The following PTPRQ variants were observed in gnomAD, a reference collection of about 807,000 sequenced individuals.
The protein encoded by PTPRQ is protein tyrosine phosphatase receptor type Q, also known as phosphatidylinositol phosphatase PTPRQ.
PTPRQ carries 199 observed loss-of-function variants against 246.0 expected under a neutral mutation model. The observed-to-expected ratio is 0.81, with a 90% CI of 0.72 to 0.91. PTPRQ has a LOEUF of 0.91. PTPRQ is among the 40% of genes least tolerant of loss of function. PTPRQ has a pLI of 0.00. For synonymous variants in PTPRQ, 869 were observed against 853.2 expected (o/e 1.02, Z -0.32); for missense variants, 2,624 against 2,528.4 (o/e 1.04, Z -0.81).
intron 33 of PTPRQ, 59 bp from the exon 34 acceptor site, chr12:80,632,132 TG>T (rs1899460600): frequency 1.3e-6 from 2 of 1,511,526 alleles, no homozygotes; most frequent in East Asian, 5.0e-5. Flanking sequence ...TTTGGTAGTT[TG>T]GGATTCAAAA....
rs17006952 is a variant in PTPRQ, at chr12:80,604,415, T to G, written c.4610-644T>G. On this transcript the variant is annotated intron_variant, in intron 26 of 44. Coordinates refer to ENST00000644991, the MANE Select transcript of PTPRQ (RefSeq NM_001145026.2). The stretch of plus-strand genomic sequence containing the variant: ...ATTTTTAAGATATTGTCTCTTGTTT[T>G]GCGTTACTGAAAAAATAACAAAGTA... Among the ~76,000 whole-genome samples the G allele has an allele frequency of 4.6e-3, 698 of 151,686 alleles. 12 individuals carry two copies. The highest frequency in any genetic ancestry group is 0.034 in the Admixed American group (521 of 15,172).
intron 35 of PTPRQ, among the ~76,000 whole-genome samples, chr12:80,647,954 C>T (rs1015068884): frequency 6.6e-6 from 1 of 152,076 alleles, no homozygotes; most frequent in African/African-American, 2.4e-5. Flanking sequence ...CCAGCATCCC[C>T]ATATTTTTCA....
chr12:80,454,840 T>G (rs1437749206), intron 3 of PTPRQ, among the ~76,000 whole-genome samples: 1 of 152,234 alleles, frequency 6.6e-6, no homozygotes, highest in East Asian at 1.9e-4. Context: ...AATTCAAACT[T>G]AATTTATTTT....
intron 33 of PTPRQ, among the ~76,000 whole-genome samples, chr12:80,629,216 CTG>C (rs757081454): frequency 9.9e-5 from 15 of 151,966 alleles, no homozygotes; most frequent in Non-Finnish European, 2.1e-4. Context: ...AACAAGCTCT[CTG>C]TGTCTCTTCT....
intron 31 of PTPRQ, among the ~76,000 whole-genome samples, chr12:80,619,750 T>A (rs1488045538): frequency 6.6e-6 from 1 of 151,606 alleles, no homozygotes; most frequent in Non-Finnish European, 1.5e-5. Flanking sequence ...CTTTTATAAA[T>A]GTCATTTATT....
chr12:80,545,128 C>A (rs527871960), intron 23 of PTPRQ, among the ~76,000 whole-genome samples: 1 of 152,136 alleles, frequency 6.6e-6, no homozygotes, highest in South Asian at 2.1e-4. Context: ...TAACCAAAAT[C>A]ATAATTTGCT....
At chr12:80,664,101 G>T (rs2121267087) in intron 39 of PTPRQ, among the ~76,000 whole-genome samples, 1 of 151,934 alleles carries the variant, frequency 6.6e-6, no homozygotes, top group Admixed American at 6.6e-5. Context: ...TCTTCTCTGT[G>T]TTACTAGAAG....
At chr12:80,587,155 A>C (rs1228465135) in intron 25 of PTPRQ, among the ~76,000 whole-genome samples, 1 of 152,180 alleles carries the variant, frequency 6.6e-6, no homozygotes, top group Non-Finnish European at 1.5e-5. Context: ...CTACCTGTAC[A>C]TATTAGATGC....
intron 35 of PTPRQ, among the ~76,000 whole-genome samples, chr12:80,648,096 T>A (rs1900136927): frequency 6.6e-6 from 1 of 152,106 alleles, no homozygotes; most frequent in South Asian, 2.1e-4. Context: ...TTATTCATTC[T>A]TTGCTTCAAA....
intron 26 of PTPRQ, among the ~76,000 whole-genome samples, chr12:80,596,933 T>A (rs532472403): frequency 6.6e-6 from 1 of 152,156 alleles, no homozygotes; most frequent in East Asian, 1.9e-4. Flanking sequence ...GTGCTGGTAC[T>A]ATTCTAAGTA....
intron 6 of PTPRQ, chr12:80,465,191 G>A (rs1893350542): frequency 6.6e-6 from 1 of 151,416 alleles, no homozygotes; most frequent in Admixed American, 6.6e-5. Flanking sequence ...TGATCCCACA[G>A]AAATACAAAC....
At chr12:80,535,829 C>T (rs1305164631) in intron 19 of PTPRQ, among the ~76,000 whole-genome samples, 2 of 152,172 alleles carry the variant, frequency 1.3e-5, no homozygotes, top group East Asian at 1.9e-4. Context: ...AAAACACGGC[C>T]GGGCGTGGTG....
intron 39 of PTPRQ, among the ~76,000 whole-genome samples, chr12:80,668,479 G>A (rs1900858370): frequency 6.6e-6 from 1 of 151,894 alleles, no homozygotes; most frequent in African/African-American, 2.4e-5. Context: ...TAGAGGAAGA[G>A]TGTACATATA....
chr12:80,586,673 C>G (rs986161015), intron 25 of PTPRQ: 1 of 152,146 alleles, frequency 6.6e-6, no homozygotes, highest in Non-Finnish European at 1.5e-5. Flanking sequence ...TCTTCTTTTT[C>G]TCCGCAACTC....
chr12:80,588,422 A>G lies in PTPRQ; in HGVS notation c.4579A>G (p.Asn1527Asp). ...CAATGCTGGCTATGGCAATGCTTCA[A>G]ACTGGATTTCTACAAAAACTCTGCC... Reference protein sequence around the residue: ...STNAGYGNASNWISTKTLPGP... With the variant: ...STNAGYGNASDWISTKTLPGP... Residue 1527 changes from asparagine to aspartate, a missense_variant, in exon 26 of 45, where the codon AAC becomes GAC. Coordinates refer to ENST00000644991, the MANE Select transcript of PTPRQ (RefSeq NM_001145026.2). 2 of 1,494,978 alleles carry G rather than the reference A, an allele frequency of 1.3e-6. No individual in the cohort carries two copies. Among genetic ancestry groups the G allele is most frequent in the Non-Finnish European group, 1.8e-6 (2 of 1,121,092 alleles). 92.6% of individuals were successfully genotyped at this position (1,494,978 alleles called of 1,614,324 possible).
At chr12:80,454,601 G>A (rs1344365617) in intron 3 of PTPRQ, 6 of 700,986 alleles carry the variant, frequency 8.6e-6, no homozygotes, top group Non-Finnish European at 5.2e-6. Context: ...GTTGGCTGTG[G>A]TTTGTCATAT....
intron 17 of PTPRQ, among the ~76,000 whole-genome samples, chr12:80,524,791 A>G (rs1401747265): frequency 1.3e-5 from 2 of 152,140 alleles, no homozygotes; most frequent in Non-Finnish European, 2.9e-5. Context: ...GAGATTAAGG[A>G]CACAGGTAAG....
At chr12:80,472,730 C>T (rs1181958116) in intron 8 of PTPRQ, among the ~76,000 whole-genome samples, 4 of 152,140 alleles carry the variant, frequency 2.6e-5, no homozygotes, top group Admixed American at 2.0e-4. Context: ...CCAGCATTTA[C>T]TGAAATTATG....
At position 80,496,453 on chromosome 12, in the gene PTPRQ, A is replaced by C. The variant is rs976686360; in HGVS notation, c.2194A>C (p.Ile732Leu). Residue 732 changes from isoleucine to leucine, a missense_variant, in exon 14 of 45, where the codon ATT (isoleucine) becomes CTT (leucine). Coordinates refer to ENST00000644991, the MANE Select transcript of PTPRQ (RefSeq NM_001145026.2). ...CTTAAGACCTCACACCCTCTATAACATTTCTGTAAGGTCTTACACCAGATT... is the reference window on the plus strand; with the variant it reads ...CTTAAGACCTCACACCCTCTATAACCTTTCTGTAAGGTCTTACACCAGATT... The part of the protein sequence containing the change: ...RNLRPHTLYN[I>L]SVRSYTRFGH... 12 of 1,550,520 alleles carry C rather than the reference A, an allele frequency of 7.7e-6. No individual in the cohort carries two copies. Among genetic ancestry groups the C allele is most frequent in the Non-Finnish European group, 8.7e-7 (1 of 1,146,414 alleles).
Sources: allele counts gnomAD v4.1 joint callset (sites outside exome capture counted in the v4.1 genomes callset), GRCh38; gene constraint gnomAD v4.1.1; transcripts MANE v1.5; gene names NCBI Gene and HGNC (gene_info 2026-07-23, HGNC 2026-07-21).